The following MTSS1 variants were observed in gnomAD, a reference collection of about 807,000 sequenced individuals.
The protein encoded by MTSS1 is protein MTSS 1.
A neutral mutation model predicts 79.0 loss-of-function variants in MTSS1; 18 were observed. The observed-to-expected ratio is 0.23, with a 90% CI of 0.16 to 0.34. MTSS1 has a LOEUF of 0.34. Among genes scored for constraint, MTSS1 ranks in the 10% least tolerant of loss-of-function variants. The pLI is 1.00. For synonymous variants in MTSS1, 341 were observed against 368.6 expected, an observed-to-expected ratio of 0.93 and a Z score of 0.86; for missense variants, 815 against 986.2, an observed-to-expected ratio of 0.83 and a Z score of 2.33.
intron 6 of MTSS1, among the ~76,000 whole-genome samples, chr8:124,571,569 G>C (rs767574925): frequency 2.0e-5 from 3 of 152,148 alleles, no homozygotes; most frequent in Non-Finnish European, 4.4e-5. Context: ...CTCAACTCTC[G>C]TGTAGGATGG....
chr8:124,639,014 C>T (rs531490880), intron 3 of MTSS1, among the ~76,000 whole-genome samples: 15 of 152,282 alleles, frequency 9.9e-5, no homozygotes, highest in Admixed American at 5.9e-4. Flanking sequence ...TTTTCAAATG[C>T]GTATGTAGCA....
At chr8:124,567,831 T>G (rs1488357805) in intron 7 of MTSS1, 2 of 1,503,524 alleles carry the variant, frequency 1.3e-6, no homozygotes, top group Non-Finnish European at 1.8e-6. Flanking sequence ...AGCTGGTACC[T>G]TCGAATCAGC....
chr8:124,606,075 A>C (rs1834797066), intron 3 of MTSS1, among the ~76,000 whole-genome samples: 1 of 150,440 alleles, frequency 6.6e-6, no homozygotes, highest in Non-Finnish European at 1.5e-5. Context: ...TCCCAGGTTC[A>C]AGAGATTCTT....
In MTSS1 at chr8:124,632,659, TTTTG is replaced by T. The variant is rs751592312; in HGVS notation, c.209-41428_209-41425del. On this transcript the variant is annotated intron_variant, in intron 3 of 13. Transcript: ENST00000518547. ...TTTAAGAACAGCATTCAGAATTAGG[TTTTG>T]TTTGTTTGTTTGTTTGTTTTTTGAG... Among the ~76,000 whole-genome samples the T allele has an allele frequency of 2.9e-3, 445 of 151,866 alleles. 2 individuals carry two copies. The highest frequency in any genetic ancestry group is 4.7e-3 in the Non-Finnish European group (316 of 67,916).
chr8:124,686,538 A>G (rs1827016524), intron 3 of MTSS1, among the ~76,000 whole-genome samples: 2 of 152,170 alleles, frequency 1.3e-5, no homozygotes, highest in Non-Finnish European at 1.5e-5. Context: ...CCTAGCTTCA[A>G]TGAACCAAGC....
chr8:124,591,830 G>T (rs1296197518), intron 3 of MTSS1, among the ~76,000 whole-genome samples: 1 of 152,134 alleles, frequency 6.6e-6, no homozygotes, highest in African/African-American at 2.4e-5. Context: ...GCCCAGGCTG[G>T]AGTGCAGTGG....
rs113482665 is a variant in MTSS1, at chr8:124,561,961, G to A, written c.1035+821C>T. On this transcript the variant is annotated intron_variant, in intron 10 of 13. Transcript: ENST00000518547. ...ATGGCTGAAAAATGCTAATGGGAGC[G>A]CTGAGCTGTGAGGAGAGGAACGCAG... Among the ~76,000 whole-genome samples, 740 of 152,192 alleles carry A rather than the reference G, an allele frequency of 4.9e-3. 9 individuals are homozygous for A. Among genetic ancestry groups the A allele is most frequent in the African/African-American group, 0.017 (704 of 41,486 alleles).
intron 1 of MTSS1, among the ~76,000 whole-genome samples, chr8:124,724,950 A>C (rs1304526898): frequency 6.6e-6 from 1 of 152,178 alleles, no homozygotes; most frequent in Non-Finnish European, 1.5e-5. Context: ...CTCTGGAACC[A>C]ACTCACACCA....
intron 3 of MTSS1, among the ~76,000 whole-genome samples, chr8:124,599,539 T>C (rs1032769221): frequency 2.7e-5 from 4 of 146,944 alleles, no homozygotes; most frequent in Non-Finnish European, 6.0e-5. Flanking sequence ...AAATGAAAGA[T>C]CTAAGTAAAG....
chr8:124,589,570 C>T, intron 5 of MTSS1, 50 bp downstream of exon 5: 1 of 1,483,504 alleles, frequency 6.7e-7, no homozygotes, highest in South Asian at 1.2e-5. Context: ...GGCAACTTCC[C>T]ACAGCGCCCC....
At chr8:124,596,753 C>T (rs1469061973) in intron 3 of MTSS1, among the ~76,000 whole-genome samples, 2 of 152,142 alleles carry the variant, frequency 1.3e-5, no homozygotes, top group African/African-American at 4.8e-5. Context: ...TTGCCTTCTC[C>T]TTGCTGCTGG....
Position 124,593,539 on chromosome 8 carries a change from T to C in MTSS1, c.209-2304A>G, listed in dbSNP as rs559726194. Among the ~76,000 whole-genome samples the C allele has an allele frequency of 2.1e-4, 32 of 152,310 alleles. 1 individual carries two copies. In the South Asian group the frequency reaches 6.4e-3, roughly 31 times the overall value. On this transcript the variant is annotated intron_variant, in intron 3 of 13. Transcript: ENST00000518547. ...TACAGGGATCTGGTTAAATCAACCA[T>C]AGAGCACCACCATGCGATGGAATTG...
chr8:124,726,635 T>A (rs1436902963), intron 1 of MTSS1, among the ~76,000 whole-genome samples: 1 of 152,222 alleles, frequency 6.6e-6, no homozygotes, highest in East Asian at 1.9e-4. Context: ...CCATGACAGC[T>A]GAGCATTCCT....
Position 124,557,717 on chromosome 8 carries a change from G to C in MTSS1, c.1194C>G (p.Pro398=), listed in dbSNP as rs747612756. 2 of 1,594,468 alleles carry C rather than the reference G, an allele frequency of 1.3e-6. No homozygotes were observed. The highest frequency in any genetic ancestry group is 2.3e-5 in the South Asian group (2 of 87,500). Residue 398 remains proline, a synonymous_variant, in exon 11 of 14, where the codon CCC becomes CCG. Coordinates refer to ENST00000518547, the MANE Select transcript of MTSS1 (RefSeq NM_014751.6). ...GGATCTGAGATGACGGGAACATGCC[G>C]GGCCCAATGGTGTAATAATGAGCGT... The part of the protein sequence containing the change: ...PDYAHYYTIG[P]GMFPSSQIPS...
chr8:124,552,776 A>G lies in MTSS1; in HGVS notation c.*216T>C, dbSNP rs1822731838. 2.1e-6 allele frequency: 1 copy of G among 486,824 alleles called. No homozygotes were observed. The highest frequency in any genetic ancestry group is 3.7e-5 in the Admixed American group (1 of 27,378). The allele number at this position is 486,824 out of a possible 1,614,324, so 30.2% of individuals were successfully genotyped here. ...GAAACTAAGATTAAAATGTGCAGAAAGAAAATTGTCAATATTTACAAATTA... is the reference window on the plus strand; with the variant it reads ...GAAACTAAGATTAAAATGTGCAGAAGGAAAATTGTCAATATTTACAAATTA... On this transcript the variant is annotated 3_prime_UTR_variant, in exon 14 of 14. Coordinates refer to ENST00000518547, the MANE Select transcript of MTSS1 (RefSeq NM_014751.6).
At chr8:124,623,994 A>G (rs1352111720) in intron 3 of MTSS1, among the ~76,000 whole-genome samples, 3 of 152,240 alleles carry the variant, frequency 2.0e-5, no homozygotes, top group Non-Finnish European at 2.9e-5. Flanking sequence ...TCTCTGGGAA[A>G]GTAAGGAAAC....
At chr8:124,687,871 A>G (rs1421226784) in intron 3 of MTSS1, among the ~76,000 whole-genome samples, 1 of 152,232 alleles carries the variant, frequency 6.6e-6, no homozygotes, top group Non-Finnish European at 1.5e-5. Context: ...CTTAGCAGAA[A>G]CAGTATTTTT....
intron 10 of MTSS1, among the ~76,000 whole-genome samples, chr8:124,562,319 C>T (rs972132925): frequency 1.3e-5 from 2 of 152,200 alleles, no homozygotes; most frequent in Admixed American, 1.3e-4. Flanking sequence ...TTCTCATTCT[C>T]AACACAGATT....
intron 13 of MTSS1, 51 bp downstream of exon 13, chr8:124,555,691 C>T (rs1371155300): frequency 6.6e-7 from 1 of 1,511,670 alleles, no homozygotes; most frequent in Non-Finnish European, 8.9e-7. Context: ...TCTATCTCCT[C>T]ACCTGGTGCT....
Sources: allele counts gnomAD v4.1 joint callset (sites outside exome capture counted in the v4.1 genomes callset), GRCh38; gene constraint gnomAD v4.1.1; transcripts MANE v1.5; gene names NCBI Gene and HGNC (gene_info 2026-07-23, HGNC 2026-07-21).